KSR1: variants seen among roughly 807,000 people sequenced by gnomAD.
The protein encoded by KSR1 is kinase suppressor of ras 1.
KSR1 carries 35 observed loss-of-function variants against 92.9 expected under a neutral mutation model. That is an observed-to-expected ratio of 0.38 (90% CI 0.29 to 0.50). KSR1 has a LOEUF of 0.50. Among genes scored for constraint, KSR1 ranks in the 20% least tolerant of loss-of-function variants. The probability of loss-of-function intolerance (pLI) is 0.94; values close to 1 mark genes in which losing one functional copy is unlikely to be tolerated. For missense variants in KSR1, 972 were observed against 1,158.5 expected (o/e 0.84, Z 2.34); for synonymous variants, 467 against 472.6 (o/e 0.99, Z 0.15).
At chr17:27,607,003 T>C (rs111388630) in intron 14 of KSR1, among the ~76,000 whole-genome samples, 10,173 of 152,060 alleles carry the variant, frequency 0.067, 453 homozygotes, top group Middle Eastern at 0.11. Flanking sequence ...CGCTAATTTT[T>C]ATATTTTCAG....
chr17:27,561,531 C>CA (rs2071829188), intron 2 of KSR1, among the ~76,000 whole-genome samples: 1 of 152,168 alleles, frequency 6.6e-6, no homozygotes, highest in Non-Finnish European at 1.5e-5. Flanking sequence ...CTGCTGGCCC[C>CA]AAGGAGCGGG....
chr17:27,558,180 G>C (rs1039519584), intron 2 of KSR1: 9 of 152,176 alleles, frequency 5.9e-5, no homozygotes, highest in Non-Finnish European at 1.2e-4. Context: ...ATAACACCTT[G>C]TTAACAGGTC....
At position 27,506,874 on chromosome 17, in the gene KSR1, AG is replaced by A. The variant is rs2069405400; in HGVS notation, c.232-43693del. Among the ~76,000 whole-genome samples the A allele has an allele frequency of 5.3e-5, 8 of 152,178 alleles. No homozygotes were observed. The South Asian group carries it at 1.7e-3, about 32-fold the overall frequency. ...TTTCCTGTCAGCCCCCAGCTGTCAG[AG>A]AAGTTGGTCCCTCTGGTAATTCAGA... On this transcript the variant is annotated intron_variant, in intron 1 of 20. Transcript: ENST00000644974.
At chr17:27,579,877 C>CAAAAAAAAAAAAAAAAAAA (rs2072670290) in intron 3 of KSR1, 1 of 1,602 alleles carries the variant, frequency 6.2e-4, no homozygotes, top group Non-Finnish European at 1.8e-3. Flanking sequence ...TGCTGTCTCA[C>CAAAAAAAAAAAAAAAAAAA]CAAAAAAAAA....
At chr17:27,486,954 C>A (rs1842836958) in intron 1 of KSR1, among the ~76,000 whole-genome samples, 1 of 152,174 alleles carries the variant, frequency 6.6e-6, no homozygotes, top group Admixed American at 6.5e-5. Flanking sequence ...TGGGTACTTT[C>A]CTGATCTATG....
intron 1 of KSR1, among the ~76,000 whole-genome samples, chr17:27,486,875 C>G (rs1445559174): frequency 6.6e-6 from 1 of 152,176 alleles, no homozygotes; most frequent in Non-Finnish European, 1.5e-5. Flanking sequence ...TGCTGGGCAG[C>G]CTTTGACAGG....
chr17:27,498,411 T>C (rs1303625611), intron 1 of KSR1, among the ~76,000 whole-genome samples: 1 of 151,854 alleles, frequency 6.6e-6, no homozygotes, highest in African/African-American at 2.4e-5. Context: ...CAATTCTATT[T>C]AGATAATTTC....
chr17:27,467,478 C>A (rs762792833), intron 1 of KSR1, among the ~76,000 whole-genome samples: 1 of 152,296 alleles, frequency 6.6e-6, no homozygotes, highest in African/African-American at 2.4e-5. Flanking sequence ...AATCACAGAG[C>A]GATTACTTAA....
In KSR1 at chr17:27,611,475, C is replaced by T. The variant is rs1401555202; in HGVS notation, c.2358-19C>T. ...GCACAGCGGCCCAGGAGCTCACAGA[C>T]ATGGCTGGGTCTCTGCAGGACTGTT... On this transcript the variant is annotated intron_variant, in intron 17 of 20. Coordinates refer to ENST00000644974, the MANE Select transcript of KSR1 (RefSeq NM_001394583.1). 1.9e-6 allele frequency: 3 copies of T among 1,613,754 alleles called. No individual in the cohort carries two copies. Among genetic ancestry groups the T allele is most frequent in the Admixed American group, 3.3e-5 (2 of 60,010 alleles).
intron 1 of KSR1, among the ~76,000 whole-genome samples, chr17:27,493,093 G>T (rs896010086): frequency 1.3e-5 from 2 of 152,158 alleles, no homozygotes; most frequent in Non-Finnish European, 2.9e-5. Flanking sequence ...TGCTGATGAT[G>T]ATCATTTATG....
At chr17:27,511,647 T>G (rs1043536125) in intron 1 of KSR1, among the ~76,000 whole-genome samples, 6 of 152,130 alleles carry the variant, frequency 3.9e-5, no homozygotes, top group Admixed American at 1.3e-4. Context: ...GGCTGAGGTA[T>G]CTGCATAGGG....
At chr17:27,464,705 C>CAAA (rs35895195) in intron 1 of KSR1, among the ~76,000 whole-genome samples, 18 of 137,984 alleles carry the variant, frequency 1.3e-4, no homozygotes, top group East Asian at 2.1e-4. Flanking sequence ...GAACTTGACT[C>CAAA]AAAAAAAAAA....
At chr17:27,605,219 C>T (rs1198781986) in intron 13 of KSR1, among the ~76,000 whole-genome samples, 9 of 152,316 alleles carry the variant, frequency 5.9e-5, no homozygotes, top group East Asian at 3.9e-4. Flanking sequence ...CTCAGGTCAC[C>T]GGGGCCAGCC....
chr17:27,467,230 C>T (rs936877120), intron 1 of KSR1, among the ~76,000 whole-genome samples: 5 of 152,244 alleles, frequency 3.3e-5, no homozygotes, highest in African/African-American at 1.2e-4. Flanking sequence ...AAACTCCTCT[C>T]TCCGTCCAGC....
chr17:27,547,533 A>G (rs2071222858), intron 1 of KSR1, among the ~76,000 whole-genome samples: 1 of 152,176 alleles, frequency 6.6e-6, no homozygotes, highest in Non-Finnish European at 1.5e-5. Flanking sequence ...ACAACTTTAA[A>G]GTTATGGCAG....
At chr17:27,616,630 G>C (rs2074062576) in intron 18 of KSR1, among the ~76,000 whole-genome samples, 1 of 152,184 alleles carries the variant, frequency 6.6e-6, no homozygotes, top group Admixed American at 6.5e-5. Context: ...AAAAGCCTGA[G>C]TTGCTGAGTC....
rs574048174 is a variant in KSR1 at position 27,546,817 on chromosome 17, C to T, written c.232-3751C>T. On this transcript the variant is annotated intron_variant, in intron 1 of 20. Transcript: ENST00000644974. ...TAGACCTGTAGGATAAAAGCTCACT[C>T]GTGTGTCTACGGTTGTGAGCTTCAT... is the stretch of plus-strand genomic sequence containing the variant. Among the ~76,000 whole-genome samples the T allele has an allele frequency of 5.9e-5, 9 of 152,250 alleles. No homozygotes were observed. In the East Asian group the frequency reaches 7.7e-4, roughly 13 times the overall value.
intron 15 of KSR1, among the ~76,000 whole-genome samples, chr17:27,608,845 A>G (rs1404881089): frequency 6.6e-6 from 1 of 152,086 alleles, no homozygotes; most frequent in African/African-American, 2.4e-5. Flanking sequence ...TAGGCCCTTT[A>G]TGACTGTACA....
At chr17:27,507,262 G>A (rs1392508052) in intron 1 of KSR1, among the ~76,000 whole-genome samples, 4 of 151,986 alleles carry the variant, frequency 2.6e-5, no homozygotes, top group Non-Finnish European at 4.4e-5. Context: ...GTGAAACCCC[G>A]TCTCTACTAA....
Sources: gnomAD v4.1 joint callset for allele counts (sites outside exome capture counted in the v4.1 genomes callset) on GRCh38, gnomAD v4.1.1 for gene constraint, MANE v1.5 for transcripts, NCBI Gene and HGNC (gene_info 2026-07-23, HGNC 2026-07-21) for gene names.